Variants in ZNF219 observed in about 807,000 individuals in gnomAD.
The protein encoded by ZNF219 is zinc finger protein 219.
In ZNF219, 17 loss-of-function variants were observed where a neutral mutation model predicts 54.4. The ratio of observed to expected loss-of-function variants is 0.31; its 90% CI spans 0.21 to 0.47. The LOEUF (loss-of-function observed/expected upper bound fraction) is 0.47. Ranked by LOEUF, ZNF219 falls within the 20% of genes least tolerant of loss-of-function variation. The pLI is 1.00. For synonymous variants in ZNF219, 518 were observed against 476.4 expected (o/e 1.09, Z -1.14); for missense variants, 1,014 against 1,062.3 (o/e 0.95, Z 0.63).
chr14:21,103,332 T>C (rs1186097791), upstream of ZNF219: 6 of 1,495,794 alleles, frequency 4.0e-6, no homozygotes, highest in East Asian at 2.5e-5. Context: ...TCGAGTCCAA[T>C]AGGAAGTCCG....
At chr14:21,104,240 C>G (rs1377005560) in intron 1 of ZNF219, 1 of 152,306 alleles carries the variant, frequency 6.6e-6, no homozygotes, top group East Asian at 1.9e-4. Context: ...TGCCGCCACC[C>G]TTTATCTCCA....
rs1888705656 is a variant in ZNF219 at position 21,090,155 on chromosome 14, G to A, written c.*381C>T. 1 of 484,806 alleles carries A rather than the reference G, an allele frequency of 2.1e-6. No individual in the cohort carries two copies. The highest frequency in any genetic ancestry group is 4.0e-6 in the Non-Finnish European group (1 of 248,554). 30.0% of individuals were successfully genotyped at this position (484,806 alleles called of 1,614,324 possible). A position where few individuals can be genotyped will look rare whatever the true frequency, so the allele number is the denominator to read the frequency against. On this transcript the variant is annotated 3_prime_UTR_variant, in exon 5 of 5. Transcript: ENST00000360947. This position sits in a 1 kb window ranked among gnomAD's most constrained non-coding sequence, Gnocchi z 4.4. ...CAGGAATCGTACCAAAAATAGCGAC[G>A]TCTACAGGGCCCCTGATGGGGCTAG...
Position 21,093,064 on chromosome 14 carries a change from G to C in ZNF219, c.233C>G (p.Ala78Gly), listed in dbSNP as rs113186130. 2 of 1,600,286 alleles carry C rather than the reference G, an allele frequency of 1.2e-6. No homozygotes were observed. Among genetic ancestry groups the C allele is most frequent in the South Asian group, 2.2e-5 (2 of 90,208 alleles). Reference sequence around the variant, plus strand: ...CTGGAAGGCCTGGGCTCCTGGGTGCGCCCGCAGGTGCAAAGCAAGGATAGA... The same window carrying C: ...CTGGAAGGCCTGGGCTCCTGGGTGCCCCCGCAGGTGCAAAGCAAGGATAGA... The part of the protein sequence containing the change: ...FNSILALHLR[A>G]HPGAQAFQCP... The change falls in exon 3 of 5, where the codon GCG (alanine) becomes GGG (glycine). Residue 78 changes from alanine to glycine, a missense_variant. By Grantham distance (60) the Ala-to-Gly change is moderately conservative. Transcript: ENST00000360947.
intron 1 of ZNF219, among the ~76,000 whole-genome samples, 197 bp downstream of exon 1, chr14:21,098,115 C>G (rs1889388912): frequency 6.6e-6 from 1 of 150,490 alleles, no homozygotes; most frequent in African/African-American, 2.4e-5. Context: ...GGCCGCCACC[C>G]CCACCCCGCC....
chr14:21,093,549 G>A (rs763888383), intron 2 of ZNF219, 37 bp downstream of exon 2: 6 of 1,598,026 alleles, frequency 3.8e-6, no homozygotes, highest in Middle Eastern at 1.7e-4. Context: ...GTATACAGTT[G>A]TAGGTACTTG....
upstream of ZNF219, chr14:21,101,662 T>A: frequency 1.6e-6 from 1 of 643,512 alleles, no homozygotes; most frequent in South Asian, 2.0e-5. Context: ...GGGGAAAACA[T>A]ACAGGTAAGT....
chr14:21,090,193 C>T lies in ZNF219; in HGVS notation c.*343G>A, dbSNP rs1178821774. Reference sequence around the variant, plus strand: ...CTGATGGGGCTAGAAGGGTACAGTGCCCCCCACCCTCACCCCTTGTACAAA... The same window carrying T: ...CTGATGGGGCTAGAAGGGTACAGTGTCCCCCACCCTCACCCCTTGTACAAA... On this transcript the variant is annotated 3_prime_UTR_variant, in exon 5 of 5. Transcript: ENST00000360947. This position sits in a 1 kb window ranked among gnomAD's most constrained non-coding sequence, Gnocchi z 4.4. The T allele has an allele frequency of 7.4e-6, 4 of 543,140 alleles. No individual in the cohort carries two copies. Among genetic ancestry groups the T allele is most frequent in the Non-Finnish European group, 1.4e-5 (4 of 283,142 alleles). The allele number at this position is 543,140 out of a possible 1,614,324, so 33.6% of individuals were successfully genotyped here.
chr14:21,103,152 T>A (rs1046228971), upstream of ZNF219: 1 of 1,551,686 alleles, frequency 6.4e-7, no homozygotes, highest in Admixed American at 2.0e-5. Flanking sequence ...TTCTCTGAGT[T>A]GGAAGAGGTT....
At chr14:21,093,939 A>AC (rs909663878) in intron 1 of ZNF219, 6 of 406,768 alleles carry the variant, frequency 1.5e-5, no homozygotes, top group Admixed American at 7.3e-5. Context: ...CTACCACCCC[A>AC]CCCCCTGGCG....
In ZNF219 at chr14:21,092,211, G is replaced by A. The variant is rs908631359; in HGVS notation, c.1086C>T (p.Leu362=). The A allele has an allele frequency of 2.8e-6, 4 of 1,439,020 alleles. No individual in the cohort carries two copies. The African/African-American group carries it at 5.8e-5, about 21-fold the overall frequency. 89.1% of individuals were successfully genotyped at this position (1,439,020 alleles called of 1,614,324 possible). A position where few individuals can be genotyped will look rare whatever the true frequency, so the allele number is the denominator to read the frequency against. ...CGGCCGGGGTGGGAGCCGGGGCCAA[G>A]AGGAGCGCTGGGCCCAACGGCTCAT... The part of the protein sequence containing the change: ...LAYEPLGPAL[L]LAPAPTPAER... The change falls in exon 3 of 5, where the codon CTC becomes CTT. Residue 362 remains leucine (L), a synonymous_variant. Coordinates refer to ENST00000360947, the MANE Select transcript of ZNF219 (RefSeq NM_016423.3).
chr14:21,099,883 G>A (rs1889528236), upstream of ZNF219, among the ~76,000 whole-genome samples: 1 of 152,172 alleles, frequency 6.6e-6, no homozygotes, highest in African/African-American at 2.4e-5. Context: ...GCTTCCGACT[G>A]TAGAAATGTG....
At chr14:21,097,889 G>A (rs1450865173) in intron 1 of ZNF219, among the ~76,000 whole-genome samples, 1 of 147,342 alleles carries the variant, frequency 6.8e-6, no homozygotes, top group African/African-American at 2.5e-5. Flanking sequence ...AGCCCTACCT[G>A]GGCCGGGGGT....
intron 4 of ZNF219, 122 bp from the exon 5 acceptor site, chr14:21,091,262 C>G (rs944477964): frequency 1.3e-6 from 2 of 1,508,826 alleles, no homozygotes; most frequent in Non-Finnish European, 8.9e-7. Context: ...CTCCCACCCA[C>G]TTTGATTTAA....
At position 21,090,651 on chromosome 14, in the gene ZNF219, G is replaced by A. The variant is rs769554808; in HGVS notation, c.2054C>T (p.Pro685Leu). Residue 685 changes from proline (P) to leucine (L), a missense_variant, in exon 5 of 5, where the codon CCG (proline) becomes CTG (leucine). By Grantham distance (98) the Pro-to-Leu change is moderately conservative. Transcript: ENST00000360947. The surrounding 1 kb of genome is among the most constrained non-coding windows in gnomAD (Gnocchi z 4.4). ...TCCTGATGGTACTCGGGCATAGGGC[G>A]GGGACGCGTCAGCCTGGGGTGGCCG... ...GRRPPQADASPPYARVPSGET... is the reference protein window; with the variant it reads ...GRRPPQADASLPYARVPSGET... 28 of 1,612,402 alleles carry A rather than the reference G, an allele frequency of 1.7e-5. 1 individual carries two copies. In the South Asian group the frequency reaches 2.1e-4, roughly 12 times the overall value.
At chr14:21,101,728 C>G, upstream of ZNF219, 1 of 707,284 alleles carries the variant, frequency 1.4e-6, no homozygotes. Flanking sequence ...TTTTAATGAT[C>G]ACGTCCTTGC....
chr14:21,091,011 G>C lies in ZNF219; in HGVS notation c.1694C>G (p.Pro565Arg). 1 of 1,553,088 alleles carries C rather than the reference G, an allele frequency of 6.4e-7. No individual in the cohort carries two copies. The highest frequency in any genetic ancestry group is 8.7e-7 in the Non-Finnish European group (1 of 1,155,946). Residue 565 changes from proline to arginine, a missense_variant, in exon 5 of 5, where the codon CCG becomes CGG. By Grantham distance (103) the Pro-to-Arg change is moderately radical. Transcript: ENST00000360947. ...GAGPGPPPEP[P>R]PPSQRGSAPQ... The stretch of plus-strand genomic sequence containing the variant: ...GGCCGAACCCCGCTGGGAAGGAGGC[G>C]GTGGCTCCGGGGGTGGCCCGGGGCC...
rs1480912132 is a variant in ZNF219 at position 21,090,188 on chromosome 14, C to T, written c.*348G>A. On this transcript the variant is annotated 3_prime_UTR_variant, in exon 5 of 5. Coordinates refer to ENST00000360947, the MANE Select transcript of ZNF219 (RefSeq NM_016423.3). This position sits in a 1 kb window ranked among gnomAD's most constrained non-coding sequence, Gnocchi z 4.4. ...GGCCCCTGATGGGGCTAGAAGGGTA[C>T]AGTGCCCCCCACCCTCACCCCTTGT... The T allele has an allele frequency of 1.8e-6, 1 of 541,652 alleles. No homozygotes were observed. Among genetic ancestry groups the T allele is most frequent in the East Asian group, 4.5e-5 (1 of 22,182 alleles). 33.6% of individuals were successfully genotyped at this position (541,652 alleles called of 1,614,324 possible).
rs866612564 is a variant in ZNF219, at chr14:21,091,135, G to A, written c.1570C>T (p.Arg524Trp). The change falls in exon 5 of 5, where the codon CGG becomes TGG. Residue 524 changes from arginine to tryptophan, a missense_variant. Arg to Trp is a moderately radical substitution (Grantham distance 101). Transcript: ENST00000360947. Reference protein sequence around the residue: ...KVHLRVHTGERPYKCPHCDYA... With the variant: ...KVHLRVHTGEWPYKCPHCDYA... ...TCGCAGTGCGGACACTTGTAGGGCC[G>A]CTCGCCTGGGGAGAGTGGGTGCGAT... is the stretch of plus-strand genomic sequence containing the variant. 1 of 1,593,302 alleles carries A rather than the reference G, an allele frequency of 6.3e-7. No homozygotes were observed. Among genetic ancestry groups the A allele is most frequent in the Admixed American group, 1.7e-5 (1 of 57,614 alleles).
chr14:21,096,556 C>G (rs1889286451), intron 1 of ZNF219, among the ~76,000 whole-genome samples: 1 of 152,176 alleles, frequency 6.6e-6, no homozygotes, highest in Admixed American at 6.5e-5. Context: ...ATAGTCAGGC[C>G]TTAAACACCA....
Sources: allele counts gnomAD v4.1 joint callset (sites outside exome capture counted in the v4.1 genomes callset), GRCh38; gene constraint gnomAD v4.1.1; non-coding constraint Gnocchi (gnomAD v3.1); transcripts MANE v1.5; gene names NCBI Gene and HGNC (gene_info 2026-07-23, HGNC 2026-07-21).